Variants in ANKRD31 observed in about 807,000 individuals in gnomAD.
ANKRD31 encodes the protein ankyrin repeat domain-containing protein 31.
A neutral mutation model predicts 186.0 loss-of-function variants in ANKRD31; 147 were observed. The observed-to-expected ratio is 0.79, with a 90% confidence interval of 0.69 to 0.91. The LOEUF is 0.91. Ranked by LOEUF, ANKRD31 falls within the 40% of genes least tolerant of loss-of-function variation. The pLI is 0.00. For synonymous variants in ANKRD31, 673 were observed against 736.4 expected, an observed-to-expected ratio of 0.91 and a Z score of 1.39; for missense variants, 1,986 against 2,148.8, an observed-to-expected ratio of 0.92 and a Z score of 1.50.
chr5:75,187,894 C>T (rs1454780878), intron 10 of ANKRD31, among the ~76,000 whole-genome samples: 1 of 152,054 alleles, frequency 6.6e-6, no homozygotes, highest in African/African-American at 2.4e-5. Context: ...TCCAGGCTGT[C>T]CAAGTATTGT....
intron 22 of ANKRD31, among the ~76,000 whole-genome samples, chr5:75,102,485 A>C (rs1431019241): frequency 6.6e-6 from 1 of 152,238 alleles, no homozygotes; most frequent in African/African-American, 2.4e-5. Flanking sequence ...TTAAGTCTGC[A>C]GAAGTTTCTG....
At chr5:75,217,417 T>C (rs1393112688) in intron 3 of ANKRD31, among the ~76,000 whole-genome samples, 2 of 152,190 alleles carry the variant, frequency 1.3e-5, no homozygotes, top group African/African-American at 2.4e-5. Context: ...GTTGGGTGCA[T>C]ACAGATTTAG....
At chr5:75,232,304 C>A (rs1479528526) in intron 1 of ANKRD31, among the ~76,000 whole-genome samples, 1 of 152,088 alleles carries the variant, frequency 6.6e-6, no homozygotes, top group African/African-American at 2.4e-5. Context: ...CACTCTGTCA[C>A]CCAGGCTGGA....
At chr5:75,148,742 G>A in intron 12 of ANKRD31, 114 bp from the exon 13 acceptor site, 1 of 635,956 alleles carries the variant, frequency 1.6e-6, no homozygotes, top group South Asian at 2.7e-5. Flanking sequence ...GTGAAATTAT[G>A]CAAACATTTT....
At chr5:75,109,604 T>C (rs1747603725) in intron 20 of ANKRD31, among the ~76,000 whole-genome samples, 1 of 152,202 alleles carries the variant, frequency 6.6e-6, no homozygotes, top group Non-Finnish European at 1.5e-5. Context: ...TGACAATGAA[T>C]TGGTATCTGG....
intron 10 of ANKRD31, among the ~76,000 whole-genome samples, chr5:75,171,402 A>T (rs747312544): frequency 6.6e-6 from 1 of 151,990 alleles, no homozygotes; most frequent in Non-Finnish European, 1.5e-5. Context: ...AGAAATTAAA[A>T]ATATTTCAAA....
intron 5 of ANKRD31, among the ~76,000 whole-genome samples, chr5:75,203,619 C>T (rs1419730469): frequency 9.5e-5 from 14 of 147,158 alleles, no homozygotes; most frequent in African/African-American, 2.8e-4. Flanking sequence ...GCAGAGATTG[C>T]GCCACTGCAC....
chr5:75,228,544 C>T (rs532627764), intron 2 of ANKRD31, among the ~76,000 whole-genome samples: 4 of 148,786 alleles, frequency 2.7e-5, no homozygotes, highest in Admixed American at 6.7e-5. Context: ...TAAATATAGA[C>T]AAGGAAAAAA....
At chr5:75,139,158 A>G (rs895378251) in intron 15 of ANKRD31, among the ~76,000 whole-genome samples, 175 bp from the exon 16 acceptor site, 1 of 152,202 alleles carries the variant, frequency 6.6e-6, no homozygotes, top group Admixed American at 6.5e-5. Context: ...AATAATAAGC[A>G]TCTAAGCACA....
chr5:75,196,225 A>AGC, intron 6 of ANKRD31, 25 bp from the exon 7 acceptor site: 2 of 1,414,342 alleles, frequency 1.4e-6, no homozygotes, highest in Non-Finnish European at 1.8e-6. Context: ...TAGAAATTAC[A>AGC]TCATTACAGC....
In ANKRD31 at chr5:75,118,164, T is replaced by C; in HGVS notation, c.4010A>G (p.Asn1337Ser). Reference protein sequence around the residue: ...LRSYGAIETVNRDESDAIVNE... With the variant: ...LRSYGAIETVSRDESDAIVNE... ...GACTATAGCATCACTCTCATCTCTA[T>C]TAACAGTCTCAATAGCACCATAAGA... Residue 1337 changes from asparagine (N) to serine (S), a missense_variant, in exon 18 of 26, where the codon AAT becomes AGT. Physicochemically the swap from Asn to Ser is conservative, Grantham distance 46. Coordinates refer to ENST00000506364, the MANE Select transcript of ANKRD31 (RefSeq NM_001372053.1). The C allele has an allele frequency of 6.6e-7, 1 of 1,510,214 alleles. No homozygotes were observed. The highest frequency in any genetic ancestry group is 1.3e-5 in the South Asian group (1 of 77,866). The allele number at this position is 1,510,214 out of a possible 1,614,324, so 93.6% of individuals were successfully genotyped here. A position where few individuals can be genotyped will look rare whatever the true frequency, so the allele number is the denominator to read the frequency against.
chr5:75,154,381 T>C (rs1038750434), intron 11 of ANKRD31, 36 bp from the exon 12 acceptor site: 2 of 1,508,034 alleles, frequency 1.3e-6, no homozygotes, highest in Non-Finnish European at 1.8e-6. Flanking sequence ...GAACCCAGAT[T>C]GAGGGTGTAT....
At position 75,105,141 on chromosome 5, in the gene ANKRD31, A is replaced by G; in HGVS notation, c.4418T>C (p.Leu1473Ser). The change falls in exon 22 of 26, where the codon TTA becomes TCA. Residue 1473 changes from leucine to serine, a missense_variant. Coordinates refer to ENST00000506364, the MANE Select transcript of ANKRD31 (RefSeq NM_001372053.1). ...TTTTTTCTGTTTTTTTGCCACAACTAAAAGGCTCTTCTGTCTTGCAGCCAA... is the reference window on the plus strand; with the variant it reads ...TTTTTTCTGTTTTTTTGCCACAACTGAAAGGCTCTTCTGTCTTGCAGCCAA... ...ANLAARQKSL[L>S]VVAKKQKKIS... is the part of the protein sequence containing the mutation. The G allele has an allele frequency of 6.5e-7, 1 of 1,536,998 alleles. No homozygotes were observed. The highest frequency in any genetic ancestry group is 8.7e-7 in the Non-Finnish European group (1 of 1,146,842).
Position 75,146,713 on chromosome 5 carries a change from T to C in ANKRD31, c.2698A>G (p.Asn900Asp), listed in dbSNP as rs1478135598. ...FLSFVKENSD[N>D]DDDDDCSTSE... ...GTAGAGCAATCATCATCATCATCAT[T>C]ATCAGAATTTTCCTTTACAAAGGAT... The change falls in exon 14 of 26, where the codon AAT becomes GAT. Residue 900 changes from asparagine (N) to aspartate (D), a missense_variant. Transcript: ENST00000506364. 8 of 1,535,764 alleles carry C rather than the reference T, an allele frequency of 5.2e-6. No individual in the cohort carries two copies. Among genetic ancestry groups the C allele is most frequent in the African/African-American group, 1.4e-5 (1 of 72,968 alleles).
Position 75,068,559 on chromosome 5 carries a change from T to C in ANKRD31, c.5753A>G (p.His1918Arg). The C allele has an allele frequency of 6.6e-7, 1 of 1,526,598 alleles. No individual in the cohort carries two copies. 94.6% of individuals were successfully genotyped at this position (1,526,598 alleles called of 1,614,324 possible). Reference protein sequence around the residue: ...EFLPCHIMDQHWKFCVECEEL... With the variant: ...EFLPCHIMDQRWKFCVECEEL... ...CTCACATTCCACACAAAACTTCCAA[T>C]GCTGATCCATTATGTGGCATGGGAG... The change falls in exon 26 of 26, where the codon CAT becomes CGT. Residue 1918 changes from histidine to arginine, a missense_variant. Coordinates refer to ENST00000506364, the MANE Select transcript of ANKRD31 (RefSeq NM_001372053.1).
At chr5:75,216,954 TG>T (rs1756996294) in intron 3 of ANKRD31, among the ~76,000 whole-genome samples, 1 of 152,180 alleles carries the variant, frequency 6.6e-6, no homozygotes, top group Admixed American at 6.5e-5. Flanking sequence ...AAGAATGTCT[TG>T]ATTTCTGCCT....
At chr5:75,215,290 T>G (rs533216413) in intron 3 of ANKRD31, among the ~76,000 whole-genome samples, 26 of 152,330 alleles carry the variant, frequency 1.7e-4, no homozygotes, top group Admixed American at 1.5e-3. Flanking sequence ...TCAGGTCCAC[T>G]GACTTTAATG....
chr5:75,193,646 A>G, intron 7 of ANKRD31, 55 bp from the exon 8 acceptor site: 1 of 1,457,580 alleles, frequency 6.9e-7, no homozygotes, highest in South Asian at 1.4e-5. Flanking sequence ...AAAAATTAAA[A>G]CTATAAGAAG....
In ANKRD31 at chr5:75,227,134, A is replaced by G. The variant is rs534305813; in HGVS notation, c.178+3428T>C. Among the ~76,000 whole-genome samples the G allele has an allele frequency of 7.9e-5, 12 of 152,330 alleles. No individual in the cohort carries two copies. In the East Asian group the frequency reaches 2.3e-3, roughly 29 times the overall value. On this transcript the variant is annotated intron_variant, in intron 2 of 25. Transcript: ENST00000506364. ...AGAATGAGATTCTGTCATTTGCAAC[A>G]TGGATGGAACTGCAGGTCATAAGTG...
Sources: allele counts gnomAD v4.1 joint callset (sites outside exome capture counted in the v4.1 genomes callset), GRCh38; gene constraint gnomAD v4.1.1; transcripts MANE v1.5; gene names NCBI Gene and HGNC (gene_info 2026-07-23, HGNC 2026-07-21).